Variants in USP34 observed in about 807,000 individuals in gnomAD.
The protein encoded by USP34 is ubiquitin specific peptidase 34, also known as ubiquitin carboxyl-terminal hydrolase 34.
In USP34, 70 loss-of-function variants were observed where a neutral mutation model predicts 460.3. The ratio of observed to expected loss-of-function variants is 0.15; its 90% CI spans 0.13 to 0.19. The LOEUF (loss-of-function observed/expected upper bound fraction) is 0.19, where lower values mean the gene tolerates loss of function less well. USP34 is among the 10% of genes least tolerant of loss of function. The probability of loss-of-function intolerance (pLI) is 1.00; values close to 1 mark genes in which losing one functional copy is unlikely to be tolerated. For missense variants in USP34, 3,985 were observed against 4,236.2 expected (o/e 0.94, Z 1.65); for synonymous variants, 1,647 against 1,405.3 (o/e 1.17, Z -3.85).
intron 62 of USP34, chr2:61,223,640 C>A: frequency 4.8e-6 from 1 of 207,430 alleles, no homozygotes; most frequent in East Asian, 1.4e-4. Flanking sequence ...CATTTCATCT[C>A]CCAGTTTAAA....
At chr2:61,235,951 C>T in intron 56 of USP34, 41 bp from the exon 57 acceptor site, 2 of 1,598,858 alleles carry the variant, frequency 1.3e-6, no homozygotes, top group South Asian at 2.3e-5. Flanking sequence ...AACTTCTGAG[C>T]CAACAATAAC....
chr2:61,455,943 T>G (rs1247682330), intron 1 of USP34, among the ~76,000 whole-genome samples: 7 of 152,160 alleles, frequency 4.6e-5, no homozygotes, highest in Non-Finnish European at 1.0e-4. Context: ...GAGCAAGATT[T>G]GAACTCAGGT....
chr2:61,244,565 A>C (rs1688369869), intron 51 of USP34, among the ~76,000 whole-genome samples: 2 of 151,418 alleles, frequency 1.3e-5, no homozygotes, highest in African/African-American at 4.9e-5. Context: ...CAGTGAGCCG[A>C]GATCGCGCCA....
At chr2:61,212,376 C>T (rs1207318804) in intron 68 of USP34, among the ~76,000 whole-genome samples, 1 of 152,122 alleles carries the variant, frequency 6.6e-6, no homozygotes, top group Non-Finnish European at 1.5e-5. Flanking sequence ...AGAGGCATGC[C>T]ACACCATCTC....
At chr2:61,443,158 G>A (rs1202693265) in intron 1 of USP34, among the ~76,000 whole-genome samples, 7 of 152,120 alleles carry the variant, frequency 4.6e-5, no homozygotes, top group Non-Finnish European at 1.5e-5. Flanking sequence ...GGAAGAATAG[G>A]GAGAGATTTG....
Position 61,336,791 on chromosome 2 carries a change from C to A in USP34, c.2744+2560G>T, listed in dbSNP as rs117133054. 0.01 allele frequency among the ~76,000 whole-genome samples: 1,200 copies of A among 118,466 alleles called. 47 individuals carry two copies. In the East Asian group the frequency reaches 0.14, roughly 14 times the overall value. The allele number at this position is 118,466 out of a possible 152,430, so 77.7% of individuals were successfully genotyped here. ...TGTCACTGCACTCCAGCCTGAGAAA[C>A]TGACTGAGACTCCATCTCAAAAAAA... is the stretch of plus-strand genomic sequence containing the variant. On this transcript the variant is annotated intron_variant, in intron 18 of 79. Coordinates refer to ENST00000398571, the MANE Select transcript of USP34 (RefSeq NM_014709.4).
chr2:61,465,041 T>C (rs1695720929), intron 1 of USP34, among the ~76,000 whole-genome samples: 1 of 152,184 alleles, frequency 6.6e-6, no homozygotes, highest in Admixed American at 6.6e-5. Context: ...ACATCCAAGC[T>C]TTTTAAATGT....
chr2:61,417,009 G>A (rs1293631981), intron 2 of USP34: 3 of 1,326,446 alleles, frequency 2.3e-6, no homozygotes, highest in African/African-American at 1.4e-5. Context: ...TGAACTTGGT[G>A]AAGCCCCACT....
At chr2:61,388,686 G>A (rs944945425) in intron 5 of USP34, among the ~76,000 whole-genome samples, 13 of 151,250 alleles carry the variant, frequency 8.6e-5, no homozygotes, top group African/African-American at 1.5e-4. Flanking sequence ...AACCCGCGAG[G>A]CAGAGCTTGC....
rs1691673793 is a variant in USP34, at chr2:61,343,681, ACTAC to A, written c.2500+130_2500+133del. On this transcript the variant is annotated intron_variant, in intron 16 of 79. Coordinates refer to ENST00000398571, the MANE Select transcript of USP34 (RefSeq NM_014709.4). The stretch of plus-strand genomic sequence containing the variant: ...TAATTCCCTTGGGGGAAAAAAAAAA[ACTAC>A]CATATGTAAGTTATTTTGACAAAAA... The A allele has an allele frequency of 3.4e-6, 3 of 878,954 alleles. No individual in the cohort carries two copies. The African/African-American group carries it at 5.1e-5, about 15-fold the overall frequency. 54.4% of individuals were successfully genotyped at this position (878,954 alleles called of 1,614,324 possible).
rs199950092 is a variant in USP34 at position 61,370,314 on chromosome 2, A to G, written c.1251+7T>C. 5.3e-5 allele frequency: 85 copies of G among 1,613,068 alleles called. No individual in the cohort carries two copies. The African/African-American group carries it at 1.1e-3, about 20-fold the overall frequency. ...AGCACTCAATAAATGTGAGCTGTTA[A>G]TATTACCTGTGCTGCAGCCCAAATA... On this transcript the variant is annotated splice_region_variant and intron_variant, in intron 10 of 79. Transcript: ENST00000398571.
At chr2:61,296,371 C>T (rs1420835693) in intron 30 of USP34, among the ~76,000 whole-genome samples, 1 of 152,152 alleles carries the variant, frequency 6.6e-6, no homozygotes, top group South Asian at 2.1e-4. Flanking sequence ...AATTATCACA[C>T]AGATATTAAA....
In USP34 at chr2:61,312,921, A is replaced by G. The variant is rs184275368; in HGVS notation, c.3543-1011T>C. Among the ~76,000 whole-genome samples the G allele has an allele frequency of 7.2e-5, 11 of 152,332 alleles. No homozygotes were observed. The East Asian group carries it at 1.9e-3, about 27-fold the overall frequency. ...AAGATTATAACTTTATCTCTTTTTA[A>G]AAAGTAAACAAATTAAGACATTATT... On this transcript the variant is annotated intron_variant, in intron 25 of 79. Coordinates refer to ENST00000398571, the MANE Select transcript of USP34 (RefSeq NM_014709.4).
Position 61,319,291 on chromosome 2 carries a change from C to A in USP34, c.3050G>T (p.Cys1017Phe). 6.3e-7 allele frequency: 1 copy of A among 1,579,876 alleles called. No individual in the cohort carries two copies. Among genetic ancestry groups the A allele is most frequent in the South Asian group, 1.2e-5 (1 of 82,694 alleles). The change falls in exon 22 of 80, where the codon TGT (cysteine) becomes TTT (phenylalanine). Residue 1017 changes from cysteine (C) to phenylalanine (F), a missense_variant. This residue lies in a region of USP34 where 1,114 missense variants were observed against 1,122.5 expected (regional missense o/e 0.99). Transcript: ENST00000398571. ...ATAACATTCAGAATCTTCTACTAAACAATGCCATAAGATGTCAACTTGCTC... is the reference window on the plus strand; with the variant it reads ...ATAACATTCAGAATCTTCTACTAAAAAATGCCATAAGATGTCAACTTGCTC... ...SLEQVDILWH[C>F]LVEDSECYDD...
At chr2:61,344,337 C>A (rs1168495208) in intron 15 of USP34, among the ~76,000 whole-genome samples, 2 of 152,120 alleles carry the variant, frequency 1.3e-5, no homozygotes, top group African/African-American at 4.8e-5. Context: ...TACTCAAAGT[C>A]TATAAAATGT....
chr2:61,344,012 A>C lies in USP34; in HGVS notation c.2303T>G (p.Met768Arg). ...HHHDGHMVDD[M>R]LSADDVSCSS... is the part of the protein sequence containing the mutation. The stretch of plus-strand genomic sequence containing the variant: ...ACAACTGACATCATCTGCACTTAGC[A>C]TATCATCAACCATATGCCTACAAAA... The change falls in exon 16 of 80, where the codon ATG becomes AGG. Residue 768 changes from methionine to arginine, a missense_variant. Met to Arg is a moderately conservative substitution (Grantham distance 91). Coordinates refer to ENST00000398571, the MANE Select transcript of USP34 (RefSeq NM_014709.4). The C allele has an allele frequency of 6.2e-7, 1 of 1,613,810 alleles. No homozygotes were observed. The highest frequency in any genetic ancestry group is 1.7e-5 in the Admixed American group (1 of 60,012).
At position 61,222,488 on chromosome 2, in the gene USP34, C is replaced by T. The variant is rs983748188; in HGVS notation, c.7794+131G>A. The stretch of plus-strand genomic sequence containing the variant: ...TAGTTCATTTTATTCACATTATACA[C>T]TTAAAAATAGGTTATTATGTTATGG... On this transcript the variant is annotated intron_variant, in intron 65 of 79. Coordinates refer to ENST00000398571, the MANE Select transcript of USP34 (RefSeq NM_014709.4). 1.0e-5 allele frequency: 7 copies of T among 670,290 alleles called. No individual in the cohort carries two copies. The African/African-American group carries it at 1.1e-4, about 11-fold the overall frequency. 41.5% of individuals were successfully genotyped at this position (670,290 alleles called of 1,614,324 possible).
chr2:61,359,613 G>T (rs1347719929), intron 10 of USP34, among the ~76,000 whole-genome samples: 1 of 151,902 alleles, frequency 6.6e-6, no homozygotes, highest in Non-Finnish European at 1.5e-5. Flanking sequence ...AAAAACTTTT[G>T]TGCATCAAAG....
At chr2:61,232,658 TC>T in intron 57 of USP34, 126 bp from the exon 58 acceptor site, 3 of 764,808 alleles carry the variant, frequency 3.9e-6, no homozygotes, top group Non-Finnish European at 6.3e-6. Flanking sequence ...CAGAAAAGTT[TC>T]TCTAATTGTC....
Sources: gnomAD v4.1 joint callset for allele counts (sites outside exome capture counted in the v4.1 genomes callset) on GRCh38, gnomAD v4.1.1 for gene constraint, gnomAD v4.1.1 regional missense constraint, MANE v1.5 for transcripts, NCBI Gene and HGNC (gene_info 2026-07-23, HGNC 2026-07-21) for gene names.